COL22A1: variants seen among roughly 807,000 people sequenced by gnomAD.
COL22A1 encodes the protein collagen alpha-1(XXII) chain.
In COL22A1, 221 loss-of-function variants were observed where a neutral mutation model predicts 248.9. The ratio of observed to expected loss-of-function variants is 0.89; its 90% CI spans 0.80 to 0.99. The LOEUF (loss-of-function observed/expected upper bound fraction) is 0.99, where lower values mean the gene tolerates loss of function less well. Ranked by LOEUF, COL22A1 falls within the 50% of genes least tolerant of loss-of-function variation. COL22A1 has a pLI of 0.00. For missense variants in COL22A1, 2,240 were observed against 2,179.0 expected, an observed-to-expected ratio of 1.03 and a Z score of -0.56; for synonymous variants, 891 against 793.4, an observed-to-expected ratio of 1.12 and a Z score of -2.07.
In COL22A1 at chr8:138,826,706, C is replaced by T; in HGVS notation, c.921G>A (p.Lys307=). ...TGACCTGCCAGATATACCAGTCTTC[C>T]TTCCGAGAGGTTTTCCTGAACCGGA... The part of the protein sequence containing the change: ...TTFRFRKTSR[K]EDWYIWQVID... Residue 307 remains lysine, a synonymous_variant, in exon 6 of 65, where the codon AAG becomes AAA. Coordinates refer to ENST00000303045, the MANE Select transcript of COL22A1 (RefSeq NM_152888.3). The T allele has an allele frequency of 6.2e-7, 1 of 1,614,014 alleles. No homozygotes were observed.
Position 138,882,601 on chromosome 8 carries a change from C to G in COL22A1, c.91+481G>C, listed in dbSNP as rs182189568. On this transcript the variant is annotated intron_variant, in intron 2 of 64. Coordinates refer to ENST00000303045, the MANE Select transcript of COL22A1 (RefSeq NM_152888.3). ...CCACACACTGTCAAACTCACACACTCCCTCACACTCCCACACACTCTTCCT... is the reference window on the plus strand; with the variant it reads ...CCACACACTGTCAAACTCACACACTGCCTCACACTCCCACACACTCTTCCT... Among the ~76,000 whole-genome samples the G allele has an allele frequency of 4.0e-5, 6 of 150,954 alleles. No individual in the cohort carries two copies. In the East Asian group the frequency reaches 1.2e-3, roughly 30 times the overall value.
intron 16 of COL22A1, among the ~76,000 whole-genome samples, chr8:138,763,827 T>C (rs1833708056): frequency 6.6e-6 from 1 of 152,172 alleles, no homozygotes; most frequent in Non-Finnish European, 1.5e-5. Flanking sequence ...TCTCTTCGGC[T>C]GCAGCATGGT....
intron 39 of COL22A1, 30 bp from the exon 40 acceptor site, chr8:138,679,706 T>G (rs940744006): frequency 1.9e-6 from 3 of 1,603,632 alleles, no homozygotes; most frequent in Non-Finnish European, 2.6e-6. Context: ...ACTCATTTCT[T>G]CACCAAACAA....
chr8:138,725,448 GAA>G lies in COL22A1; in HGVS notation c.2140-10_2140-9del, dbSNP rs747590987. 4.3e-6 allele frequency: 7 copies of G among 1,612,490 alleles called. No homozygotes were observed. ...AGGGGGTCCTGGAGGGCCCTGTAGA[GAA>G]AGAGCATTTGGTGGGCTACAGATGG... On this transcript the variant is annotated splice_polypyrimidine_tract_variant and intron_variant, in intron 23 of 64. Transcript: ENST00000303045.
At chr8:138,692,463 A>ATGTGTG (rs145298366) in intron 35 of COL22A1, among the ~76,000 whole-genome samples, 22 of 136,112 alleles carry the variant, frequency 1.6e-4, no homozygotes, top group African/African-American at 4.3e-4. Flanking sequence ...GTGTGAGTGC[A>ATGTGTG]TGTGTGTGTG....
intron 3 of COL22A1, among the ~76,000 whole-genome samples, chr8:138,849,856 A>AC (rs1174972365): frequency 2.6e-5 from 4 of 151,920 alleles, no homozygotes; most frequent in African/African-American, 9.7e-5. Context: ...GCTCTTAACC[A>AC]CTATCCACAA....
chr8:138,834,524 CAT>C (rs1276853579), intron 4 of COL22A1, among the ~76,000 whole-genome samples: 4 of 152,152 alleles, frequency 2.6e-5, no homozygotes, highest in Non-Finnish European at 5.9e-5. Flanking sequence ...GTAGTCCTGA[CAT>C]AAAGTTTGAG....
chr8:138,734,962 A>G (rs185478844), intron 23 of COL22A1, among the ~76,000 whole-genome samples: 7 of 152,304 alleles, frequency 4.6e-5, no homozygotes, highest in Admixed American at 3.9e-4. Flanking sequence ...TGGGAGTTGA[A>G]CAATGAGAAC....
chr8:138,666,037 A>AG (rs1824476855), intron 41 of COL22A1, among the ~76,000 whole-genome samples: 1 of 151,984 alleles, frequency 6.6e-6, no homozygotes, highest in African/African-American at 2.4e-5. Flanking sequence ...CTGAACTAAA[A>AG]AATATATATA....
At chr8:138,592,910 A>G (rs1419382911) in intron 63 of COL22A1, among the ~76,000 whole-genome samples, 2 of 152,254 alleles carry the variant, frequency 1.3e-5, no homozygotes, top group African/African-American at 4.8e-5. Flanking sequence ...ATAAAGAGAC[A>G]TGCACACGTA....
intron 7 of COL22A1, among the ~76,000 whole-genome samples, chr8:138,814,137 G>C (rs1441295647): frequency 6.6e-6 from 1 of 152,214 alleles, no homozygotes; most frequent in Admixed American, 6.5e-5. Context: ...TGGCTCCCCA[G>C]GTGTCCCTCT....
chr8:138,645,276 C>T (rs7006043), intron 47 of COL22A1, among the ~76,000 whole-genome samples: 140,035 of 152,156 alleles, frequency 0.92, 65,184 homozygotes, highest in East Asian at 0.99. Flanking sequence ...TTATGAGTAA[C>T]GCCTCTTCCC....
At chr8:138,844,915 A>T (rs1378221790) in intron 3 of COL22A1, among the ~76,000 whole-genome samples, 2 of 144,782 alleles carry the variant, frequency 1.4e-5, no homozygotes, top group Non-Finnish European at 3.0e-5. Context: ...ACGTGGCTGC[A>T]CTCCAGCCAG....
rs144276818 is a variant in COL22A1, at chr8:138,682,428, A to C, written c.3012+1997T>G. Among the ~76,000 whole-genome samples, 822 of 152,342 alleles carry C rather than the reference A, an allele frequency of 5.4e-3. 13 individuals are homozygous for C. Among genetic ancestry groups the C allele is most frequent in the African/African-American group, 0.019 (772 of 41,582 alleles). On this transcript the variant is annotated intron_variant, in intron 39 of 64. Transcript: ENST00000303045. Reference sequence around the variant, plus strand: ...AATATAATTTTACAATAACACTTTTATTATTATTTTGAATATGCATGTCAA... The same window carrying C: ...AATATAATTTTACAATAACACTTTTCTTATTATTTTGAATATGCATGTCAA...
intron 44 of COL22A1, among the ~76,000 whole-genome samples, chr8:138,656,705 TAGGTA>T (rs1160845728): frequency 6.6e-6 from 1 of 152,182 alleles, no homozygotes; most frequent in Admixed American, 6.5e-5. Flanking sequence ...AAGGGATTCT[TAGGTA>T]AGACTTTGAG....
rs1834570568 is a variant in COL22A1 at position 138,773,544 on chromosome 8, G to C, written c.1803+2422C>G. Among the ~76,000 whole-genome samples the C allele has an allele frequency of 3.3e-5, 5 of 152,210 alleles. No individual in the cohort carries two copies. The South Asian group carries it at 1.0e-3, about 32-fold the overall frequency. ...CATCTCTTATTCATTTATTGATTTA[G>C]CAAATGTGTATCAAAGGCCACCTCT... On this transcript the variant is annotated intron_variant, in intron 16 of 64. Coordinates refer to ENST00000303045, the MANE Select transcript of COL22A1 (RefSeq NM_152888.3).
At position 138,779,501 on chromosome 8, in the gene COL22A1, A is replaced by G; in HGVS notation, c.1704+8T>C. 1 of 1,608,206 alleles carries G rather than the reference A, an allele frequency of 6.2e-7. No homozygotes were observed. The highest frequency in any genetic ancestry group is 8.5e-7 in the Non-Finnish European group (1 of 1,174,700). Reference sequence around the variant, plus strand: ...CATCAGAAGGGCCCAGCTCACAGCAACACTCACCCGCATGCCGACCTCACC... The same window carrying G: ...CATCAGAAGGGCCCAGCTCACAGCAGCACTCACCCGCATGCCGACCTCACC... On this transcript the variant is annotated splice_region_variant and intron_variant, in intron 14 of 64. Transcript: ENST00000303045.
chr8:138,686,382 C>T (rs972847492), intron 37 of COL22A1, among the ~76,000 whole-genome samples: 2 of 152,194 alleles, frequency 1.3e-5, no homozygotes, highest in Non-Finnish European at 2.9e-5. Flanking sequence ...GACTCCTTTC[C>T]CCAGACTGGG....
At chr8:138,821,745 C>T (rs1041839646) in intron 6 of COL22A1, among the ~76,000 whole-genome samples, 1 of 152,156 alleles carries the variant, frequency 6.6e-6, no homozygotes, top group Non-Finnish European at 1.5e-5. Flanking sequence ...TTTGGTGAGA[C>T]TCCAAGACAA....
Sources: gnomAD v4.1 joint callset for allele counts (sites outside exome capture counted in the v4.1 genomes callset) on GRCh38, gnomAD v4.1.1 for gene constraint, MANE v1.5 for transcripts, NCBI Gene and HGNC (gene_info 2026-07-23, HGNC 2026-07-21) for gene names.